MAP2K6: variants seen among roughly 807,000 people sequenced by gnomAD.
MAP2K6 encodes dual specificity mitogen-activated protein kinase kinase 6.
MAP2K6 carries 16 observed loss-of-function variants against 53.7 expected under a neutral mutation model. The observed-to-expected ratio is 0.30, with a 90% CI of 0.20 to 0.45. The LOEUF is 0.45. MAP2K6 is among the 20% of genes least tolerant of loss of function. The pLI is 1.00. For synonymous variants in MAP2K6, 132 were observed against 143.1 expected, an observed-to-expected ratio of 0.92 and a Z score of 0.55; for missense variants, 204 against 411.9, an observed-to-expected ratio of 0.50 and a Z score of 4.37.
At chr17:69,460,892 AC>A (rs1907603786) in intron 1 of MAP2K6, among the ~76,000 whole-genome samples, 1 of 152,110 alleles carries the variant, frequency 6.6e-6, no homozygotes, top group Non-Finnish European at 1.5e-5. Context: ...GAGCCACCAT[AC>A]CTGGTTGGGG....
chr17:69,505,852 T>C lies in MAP2K6; in HGVS notation c.83+6T>C. 6.2e-7 allele frequency: 1 copy of C among 1,612,516 alleles called. No homozygotes were observed. Among genetic ancestry groups the C allele is most frequent in the Non-Finnish European group, 8.5e-7 (1 of 1,178,862 alleles). On this transcript the variant is annotated splice_donor_region_variant and intron_variant, in intron 2 of 11. Coordinates refer to ENST00000590474, the MANE Select transcript of MAP2K6 (RefSeq NM_002758.4). ...CAACCTCAGACCAGTTCCACGTAAGTTGACAAGACCATCATCTGAATCCAA... is the reference window on the plus strand; with the variant it reads ...CAACCTCAGACCAGTTCCACGTAAGCTGACAAGACCATCATCTGAATCCAA...
At chr17:69,418,377 T>G (rs1379013784) in intron 1 of MAP2K6, among the ~76,000 whole-genome samples, 1 of 152,202 alleles carries the variant, frequency 6.6e-6, no homozygotes. Flanking sequence ...CTCCCCAGTA[T>G]TTTAAAATCT....
intron 1 of MAP2K6, among the ~76,000 whole-genome samples, chr17:69,460,897 G>A (rs1731382264): frequency 6.6e-6 from 1 of 152,182 alleles, no homozygotes; most frequent in Non-Finnish European, 1.5e-5. Flanking sequence ...ACCATACCTG[G>A]TTGGGGTGCA....
rs190868943 is a variant in MAP2K6 at position 69,496,458 on chromosome 17, G to C, written c.17-9322G>C. Among the ~76,000 whole-genome samples the C allele has an allele frequency of 9.4e-3, 1,423 of 151,240 alleles. 15 individuals are homozygous for C. The highest frequency in any genetic ancestry group is 0.01 in the Non-Finnish European group (709 of 67,732). On this transcript the variant is annotated intron_variant, in intron 1 of 11. Coordinates refer to ENST00000590474, the MANE Select transcript of MAP2K6 (RefSeq NM_002758.4). ...GCTAATTTTTTGTACTTTTAGTAGAGATGGGGTTCCAGCGATTCTCCCGCC... is the reference window on the plus strand; with the variant it reads ...GCTAATTTTTTGTACTTTTAGTAGACATGGGGTTCCAGCGATTCTCCCGCC...
chr17:69,498,369 C>T (rs766002563), intron 1 of MAP2K6, among the ~76,000 whole-genome samples: 6 of 152,134 alleles, frequency 3.9e-5, no homozygotes, highest in Non-Finnish European at 8.8e-5. Context: ...GCTGATTTCT[C>T]AGACACTTGT....
chr17:69,516,980 C>A, intron 3 of MAP2K6, 77 bp downstream of exon 3: 1 of 1,166,220 alleles, frequency 8.6e-7, no homozygotes, highest in Admixed American at 1.8e-5. Context: ...AATTTATTTT[C>A]CCTAGCATGC....
chr17:69,425,711 A>G (rs922380187), intron 1 of MAP2K6, among the ~76,000 whole-genome samples: 1 of 152,210 alleles, frequency 6.6e-6, no homozygotes, highest in African/African-American at 2.4e-5. Context: ...AGCTGCGGAA[A>G]TAGATGGTCT....
intron 1 of MAP2K6, among the ~76,000 whole-genome samples, chr17:69,456,825 TC>T (rs1489600389): frequency 3.3e-5 from 5 of 152,142 alleles, no homozygotes; most frequent in African/African-American, 1.2e-4. Flanking sequence ...ACTCTACAAA[TC>T]CCTGCCCTGC....
intron 1 of MAP2K6, chr17:69,433,690 A>G (rs1906544964): frequency 6.6e-6 from 1 of 152,250 alleles, no homozygotes; most frequent in African/African-American, 2.4e-5. Flanking sequence ...TTGTGATGTA[A>G]TGATACCTCA....
chr17:69,502,151 T>C, intron 1 of MAP2K6: 2 of 985,332 alleles, frequency 2.0e-6, no homozygotes, highest in Non-Finnish European at 2.4e-6. Context: ...CGCCTGGGTG[T>C]CCACATAGAC....
In MAP2K6 at chr17:69,526,559, CT is replaced by C; in HGVS notation, c.742-7del. 1 of 1,608,116 alleles carries C rather than the reference CT, an allele frequency of 6.2e-7. No individual in the cohort carries two copies. Among genetic ancestry groups the C allele is most frequent in the Non-Finnish European group, 8.5e-7 (1 of 1,178,452 alleles). Reference sequence around the variant, plus strand: ...TGAAACTGTTGTCTCCTTTTTTCTTCTTTTCTCCAGATTGAGTTGGCCATCC... The same window carrying C: ...TGAAACTGTTGTCTCCTTTTTTCTTCTTTCTCCAGATTGAGTTGGCCATCC... On this transcript the variant is annotated splice_polypyrimidine_tract_variant and intron_variant, in intron 9 of 11. Transcript: ENST00000590474.
intron 1 of MAP2K6, chr17:69,477,188 G>A (rs1908181566): frequency 2.0e-5 from 3 of 152,268 alleles, no homozygotes; most frequent in African/African-American, 7.2e-5. Flanking sequence ...TAGGAGGGAC[G>A]AGGGGGGATG....
At chr17:69,541,589 G>A (rs1389418412) in intron 11 of MAP2K6, 87 bp from the exon 12 acceptor site, 6 of 1,018,042 alleles carry the variant, frequency 5.9e-6, no homozygotes, top group African/African-American at 3.2e-5. Context: ...CTTAATCCCT[G>A]TACCAAGCAG....
At position 69,548,683 on chromosome 17, in the gene MAP2K6, G is replaced by A. The variant is rs1288175602; in HGVS notation, c.*6930G>A. The A allele has an allele frequency of 6.6e-6, 1 of 152,092 alleles. No homozygotes were observed. The allele number at this position is 152,092 out of a possible 1,614,324, so 9.4% of individuals were successfully genotyped here. ...TTCAAAATGAAATTATCCTTCCAGG[G>A]GAAGCACATTGCCACCAAATACATC... On this transcript the variant is annotated 3_prime_UTR_variant, in exon 12 of 12. Coordinates refer to ENST00000590474, the MANE Select transcript of MAP2K6 (RefSeq NM_002758.4).
At position 69,545,688 on chromosome 17, in the gene MAP2K6, G is replaced by T. The variant is rs1911849602; in HGVS notation, c.*3935G>T. The T allele has an allele frequency of 6.6e-6, 1 of 152,146 alleles. No individual in the cohort carries two copies. The highest frequency in any genetic ancestry group is 2.4e-5 in the African/African-American group (1 of 41,432). The allele number at this position is 152,146 out of a possible 1,614,324, so 9.4% of individuals were successfully genotyped here. A position where few individuals can be genotyped will look rare whatever the true frequency, so the allele number is the denominator to read the frequency against. ...CCCAACAGCTTAATAATAGCAGTTT[G>T]CACAGTGTCCTGCATATATCACTAT... On this transcript the variant is annotated 3_prime_UTR_variant, in exon 12 of 12. Coordinates refer to ENST00000590474, the MANE Select transcript of MAP2K6 (RefSeq NM_002758.4).
At position 69,547,453 on chromosome 17, in the gene MAP2K6, A is replaced by G. The variant is rs1381912000; in HGVS notation, c.*5700A>G. On this transcript the variant is annotated 3_prime_UTR_variant, in exon 12 of 12. Coordinates refer to ENST00000590474, the MANE Select transcript of MAP2K6 (RefSeq NM_002758.4). ...GCTGTGTTCCAATAAAACTTTATTT[A>G]CAAACCAAGCAATGGGCCAAATTTG... The G allele has an allele frequency of 6.6e-6, 1 of 152,286 alleles. No homozygotes were observed. The highest frequency in any genetic ancestry group is 1.5e-5 in the Non-Finnish European group (1 of 68,054). The allele number at this position is 152,286 out of a possible 1,614,324, so 9.4% of individuals were successfully genotyped here.
intron 1 of MAP2K6, among the ~76,000 whole-genome samples, chr17:69,487,301 ATG>A (rs1303623904): frequency 2.0e-5 from 3 of 152,254 alleles, no homozygotes; most frequent in Non-Finnish European, 4.4e-5. Flanking sequence ...AGCTCTGTGT[ATG>A]TGGACAAGGT....
intron 10 of MAP2K6, among the ~76,000 whole-genome samples, chr17:69,529,504 A>ATTTTT (rs10566943): frequency 1.0e-5 from 1 of 98,388 alleles, no homozygotes; most frequent in Non-Finnish European, 1.9e-5. Flanking sequence ...ATGGTTTTTA[A>ATTTTT]TTTTTTTTTT....
chr17:69,472,853 C>T (rs769168894), intron 1 of MAP2K6, among the ~76,000 whole-genome samples: 1 of 152,140 alleles, frequency 6.6e-6, no homozygotes, highest in Non-Finnish European at 1.5e-5. Flanking sequence ...CATGCGCCAC[C>T]ATGCCCGTCT....
Sources: allele counts gnomAD v4.1 joint callset (sites outside exome capture counted in the v4.1 genomes callset), GRCh38; gene constraint gnomAD v4.1.1; transcripts MANE v1.5; gene names NCBI Gene and HGNC (gene_info 2026-07-23, HGNC 2026-07-21).